COL15A1: variants seen among roughly 807,000 people sequenced by gnomAD.
COL15A1 encodes collagen type XV alpha 1 chain, also known as collagen alpha-1(XV) chain.
COL15A1 carries 111 observed loss-of-function variants against 165.9 expected under a neutral mutation model. That is an observed-to-expected ratio of 0.67 (90% CI 0.57 to 0.78). The LOEUF is 0.78. Among genes scored for constraint, COL15A1 ranks in the 30% least tolerant of loss-of-function variants. COL15A1 has a pLI of 0.00. For missense variants in COL15A1, 1,745 were observed against 1,789.7 expected (o/e 0.98, Z 0.45); for synonymous variants, 659 against 674.8 (o/e 0.98, Z 0.36).
At chr9:98,990,857 C>T (rs999608570) in intron 5 of COL15A1, among the ~76,000 whole-genome samples, 5 of 152,198 alleles carry the variant, frequency 3.3e-5, no homozygotes, top group Non-Finnish European at 5.9e-5. Context: ...AATGAAACCA[C>T]GGACCCTCGC....
chr9:99,031,522 G>A lies in COL15A1; in HGVS notation c.2044-3027G>A, dbSNP rs115152521. 4.7e-3 allele frequency among the ~76,000 whole-genome samples: 722 copies of A among 152,322 alleles called. 3 individuals are homozygous for A. Among genetic ancestry groups the A allele is most frequent in the African/African-American group, 0.016 (649 of 41,566 alleles). ...GAAGGAGAAAGGGGGAGATTGTTGCGTGGGGGTTGCCTATTGTGTGCAGGC... is the reference window on the plus strand; with the variant it reads ...GAAGGAGAAAGGGGGAGATTGTTGCATGGGGGTTGCCTATTGTGTGCAGGC... On this transcript the variant is annotated intron_variant, in intron 16 of 41. Coordinates refer to ENST00000375001, the MANE Select transcript of COL15A1 (RefSeq NM_001855.5).
rs376356897 is a variant in COL15A1, at chr9:99,035,462, T to C, written c.2289+44T>C. On this transcript the variant is annotated intron_variant, in intron 19 of 41. Coordinates refer to ENST00000375001, the MANE Select transcript of COL15A1 (RefSeq NM_001855.5). Reference sequence around the variant, plus strand: ...CTTCATTATGAGGGTTGTCACACTGTCACACTACAGTGAGGAAGCTGTGGG... The same window carrying C: ...CTTCATTATGAGGGTTGTCACACTGCCACACTACAGTGAGGAAGCTGTGGG... The C allele has an allele frequency of 7.3e-5, 118 of 1,612,226 alleles. No individual in the cohort carries two copies. The African/African-American group carries it at 1.4e-3, about 20-fold the overall frequency.
In COL15A1 at chr9:99,047,849, A is replaced by G; in HGVS notation, c.2733+10A>G. The G allele has an allele frequency of 6.2e-7, 1 of 1,613,782 alleles. No individual in the cohort carries two copies. Among genetic ancestry groups the G allele is most frequent in the Non-Finnish European group, 8.5e-7 (1 of 1,179,856 alleles). ...CCTTCCCGGGCGACCTGTAGGTATC[A>G]GTGTTCATTGGACAGGCTGGAGGGG... On this transcript the variant is annotated intron_variant, in intron 27 of 41. Coordinates refer to ENST00000375001, the MANE Select transcript of COL15A1 (RefSeq NM_001855.5).
intron 12 of COL15A1, among the ~76,000 whole-genome samples, chr9:99,020,741 A>G (rs1397126911): frequency 1.3e-5 from 2 of 152,292 alleles, no homozygotes; most frequent in East Asian, 3.9e-4. Context: ...TCTGCCACAC[A>G]TCTGCAACCA....
At chr9:99,015,316 A>G in intron 9 of COL15A1, 101 bp from the exon 10 acceptor site, 1 of 760,984 alleles carries the variant, frequency 1.3e-6, no homozygotes, top group South Asian at 1.6e-5. Flanking sequence ...TGGAGCCTCC[A>G]GTTATCTGAG....
In COL15A1 at chr9:99,059,870, C is replaced by G. The variant is rs750203956; in HGVS notation, c.3338-19C>G. ...AGAGTGTGGTTTTTGTGTAACTTCT[C>G]TTTTCTGTTTTGTCTTAGCTGTGGC... On this transcript the variant is annotated intron_variant, in intron 35 of 41. Transcript: ENST00000375001. 8.1e-6 allele frequency: 13 copies of G among 1,611,986 alleles called. No homozygotes were observed. Among genetic ancestry groups the G allele is most frequent in the African/African-American group, 1.3e-5 (1 of 74,762 alleles).
chr9:99,000,898 A>G lies in COL15A1; in HGVS notation c.1012A>G (p.Ile338Val), dbSNP rs750209593. 1 of 1,607,702 alleles carries G rather than the reference A, an allele frequency of 6.2e-7. No individual in the cohort carries two copies. The highest frequency in any genetic ancestry group is 8.5e-7 in the Non-Finnish European group (1 of 1,174,240). The change falls in exon 7 of 42, where the codon ATT becomes GTT. Residue 338 changes from isoleucine (I) to valine (V), a missense_variant. Ile to Val is a conservative substitution (Grantham distance 29). Transcript: ENST00000375001. The part of the protein sequence containing the change: ...EGVHSVDGDP[I>V]TDSGSGAGAF... ...GGTTCATTCTGTGGATGGTGACCCCATTACTGACAGCGGCTCAGGGGCTGG... is the reference window on the plus strand; with the variant it reads ...GGTTCATTCTGTGGATGGTGACCCCGTTACTGACAGCGGCTCAGGGGCTGG...
intron 16 of COL15A1, among the ~76,000 whole-genome samples, chr9:99,031,551 T>C (rs1056617605): frequency 5.9e-5 from 9 of 152,144 alleles, no homozygotes; most frequent in African/African-American, 1.7e-4. Context: ...TGCAGGCAGT[T>C]TTGCGGACAC....
chr9:99,054,322 C>T (rs1032299706), intron 31 of COL15A1, among the ~76,000 whole-genome samples: 1 of 152,212 alleles, frequency 6.6e-6, no homozygotes, highest in Non-Finnish European at 1.5e-5. Flanking sequence ...AGTGAGAGCA[C>T]ATATTTCATC....
chr9:98,943,961 C>A lies in COL15A1; in HGVS notation c.-101C>A. ...CCGCCTTTGTTCCCTGCAGGAAGGGCGAGCGCGGCGGCCAGCGCTCAGCGA... is the reference window on the plus strand; with the variant it reads ...CCGCCTTTGTTCCCTGCAGGAAGGGAGAGCGCGGCGGCCAGCGCTCAGCGA... On this transcript the variant is annotated 5_prime_UTR_variant, in exon 1 of 42. Transcript: ENST00000375001. 6.6e-7 allele frequency: 1 copy of A among 1,516,630 alleles called. No homozygotes were observed. Among genetic ancestry groups the A allele is most frequent in the African/African-American group, 1.4e-5 (1 of 73,014 alleles). The allele number at this position is 1,516,630 out of a possible 1,614,324, so 93.9% of individuals were successfully genotyped here. A position where few individuals can be genotyped will look rare whatever the true frequency, so the allele number is the denominator to read the frequency against.
intron 5 of COL15A1, among the ~76,000 whole-genome samples, chr9:98,993,883 G>T (rs1445782695): frequency 3.3e-5 from 5 of 152,086 alleles, no homozygotes; most frequent in Admixed American, 6.5e-5. Flanking sequence ...AGCCTTTCCA[G>T]CCTGCCACCC....
chr9:99,054,597 C>A lies in COL15A1; in HGVS notation c.2972C>A (p.Ser991Tyr). 6.2e-7 allele frequency: 1 copy of A among 1,612,750 alleles called. No individual in the cohort carries two copies. The highest frequency in any genetic ancestry group is 8.5e-7 in the Non-Finnish European group (1 of 1,179,524). ...TFHGVKGEKGSWGLPGSKGEK... is the reference protein window; with the variant it reads ...TFHGVKGEKGYWGLPGSKGEK... ...GCAGGTGTTAAAGGAGAGAAAGGATCCTGGGGTCTTCCTGGCTCAAAGGGA... is the reference window on the plus strand; with the variant it reads ...GCAGGTGTTAAAGGAGAGAAAGGATACTGGGGTCTTCCTGGCTCAAAGGGA... Residue 991 changes from serine (S) to tyrosine (Y), a missense_variant, in exon 32 of 42, where the codon TCC becomes TAC. Physicochemically the swap from Ser to Tyr is moderately radical, Grantham distance 144 (BLOSUM62 -2). Coordinates refer to ENST00000375001, the MANE Select transcript of COL15A1 (RefSeq NM_001855.5).
chr9:99,044,474 T>G (rs1839462161), intron 24 of COL15A1, 94 bp from the exon 25 acceptor site: 1 of 1,133,004 alleles, frequency 8.8e-7, no homozygotes, highest in Admixed American at 1.7e-5. Context: ...GAGGTCTCTG[T>G]ACAAGGTGGC....
At chr9:99,052,640 G>A (rs962058708) in intron 31 of COL15A1, among the ~76,000 whole-genome samples, 3 of 152,134 alleles carry the variant, frequency 2.0e-5, no homozygotes, top group Non-Finnish European at 1.5e-5. Flanking sequence ...GCTCATCTTA[G>A]CTGAGCCTCC....
intron 2 of COL15A1, among the ~76,000 whole-genome samples, chr9:98,948,989 T>C (rs150711637): frequency 1.8e-3 from 280 of 152,348 alleles, no homozygotes; most frequent in Middle Eastern, 6.8e-3. Context: ...ACCCCTTTGC[T>C]GTGGTTTTAT....
At chr9:99,066,606 T>G (rs1825897128) in intron 39 of COL15A1, among the ~76,000 whole-genome samples, 6 of 123,780 alleles carry the variant, frequency 4.8e-5, no homozygotes, top group Admixed American at 2.7e-4. Context: ...TCTGTTTTTT[T>G]TTTTTTTTTT....
chr9:99,051,585 G>T (rs1240094791), intron 30 of COL15A1, among the ~76,000 whole-genome samples: 1 of 152,176 alleles, frequency 6.6e-6, no homozygotes, highest in African/African-American at 2.4e-5. Flanking sequence ...CAAGATAACA[G>T]CTTGGAGCTG....
At chr9:99,058,877 T>C (rs1253640117) in intron 35 of COL15A1, among the ~76,000 whole-genome samples, 1 of 152,118 alleles carries the variant, frequency 6.6e-6, no homozygotes, top group Admixed American at 6.5e-5. Flanking sequence ...AACTGAACAT[T>C]TGCTTGCAAC....
In COL15A1 at chr9:99,066,979, A is replaced by C; in HGVS notation, c.3749A>C (p.Tyr1250Ser). ...AGAGCTGCAGGACTGTTGTCCACCT[A>C]CCGAGCATTCTTATCTTCCCATTTG... ...QARAAGLLST[Y>S]RAFLSSHLQD... is the part of the protein sequence containing the mutation. The change falls in exon 40 of 42, where the codon TAC (tyrosine) becomes TCC (serine). Residue 1250 changes from tyrosine (Y) to serine (S), a missense_variant. By Grantham distance (144) the Tyr-to-Ser change is moderately radical (BLOSUM62 -2). Transcript: ENST00000375001. 6.2e-7 allele frequency: 1 copy of C among 1,614,130 alleles called. No individual in the cohort carries two copies. The highest frequency in any genetic ancestry group is 8.5e-7 in the Non-Finnish European group (1 of 1,180,010).
Sources: allele counts gnomAD v4.1 joint callset (sites outside exome capture counted in the v4.1 genomes callset), GRCh38; gene constraint gnomAD v4.1.1; transcripts MANE v1.5; gene names NCBI Gene and HGNC (gene_info 2026-07-23, HGNC 2026-07-21).